Variants in PBX1 observed in about 807,000 individuals in gnomAD.
PBX1 encodes pre-B-cell leukemia transcription factor 1.
In PBX1, 6 loss-of-function variants were observed where a neutral mutation model predicts 53.4. The ratio of observed to expected loss-of-function variants is 0.11; its 90% confidence interval spans 0.06 to 0.22. PBX1 has a LOEUF of 0.22. Among genes scored for constraint, PBX1 ranks in the 10% least tolerant of loss-of-function variants. PBX1 has a pLI of 1.00. For synonymous variants in PBX1, 204 were observed against 212.3 expected (o/e 0.96, Z 0.34); for missense variants, 251 against 551.4 (o/e 0.46, Z 5.46).
intron 2 of PBX1, among the ~76,000 whole-genome samples, chr1:164,750,156 G>A (rs1171880512): frequency 6.6e-6 from 1 of 150,624 alleles, no homozygotes; most frequent in Non-Finnish European, 1.5e-5. Flanking sequence ...GTGTGTGTGT[G>A]TGTGTGTGTG....
rs1195108613 is a variant in PBX1, at chr1:164,666,550, C to T, written c.265+103239C>T. Among the ~76,000 whole-genome samples, 8 of 151,752 alleles carry T rather than the reference C, an allele frequency of 5.3e-5. No homozygotes were observed. In the East Asian group the frequency reaches 7.8e-4, roughly 15 times the overall value. ...GATTCTGGCTGATGGAGCAAATATT[C>T]TGCTGCTTGATAAACTCATAGAACT... On this transcript the variant is annotated intron_variant, in intron 2 of 8. Transcript: ENST00000420696.
intron 2 of PBX1, among the ~76,000 whole-genome samples, chr1:164,571,064 C>T (rs2101710767): frequency 6.6e-6 from 1 of 152,268 alleles, no homozygotes; most frequent in African/African-American, 2.4e-5. Flanking sequence ...GACAACCTGA[C>T]CTTTTCTTGC....
chr1:164,665,617 A>T (rs1310659890), intron 2 of PBX1, among the ~76,000 whole-genome samples: 3 of 152,142 alleles, frequency 2.0e-5, no homozygotes, highest in African/African-American at 7.2e-5. Context: ...ACAAAGGGAC[A>T]CTGGTTAGTT....
At chr1:164,727,757 G>C (rs1664775251) in intron 2 of PBX1, among the ~76,000 whole-genome samples, 2 of 152,168 alleles carry the variant, frequency 1.3e-5, no homozygotes, top group African/African-American at 4.8e-5. Flanking sequence ...GGTATATAAG[G>C]CTTCTTTTTG....
At position 164,772,392 on chromosome 1, in the gene PBX1, GC is replaced by G. The variant is rs563112720; in HGVS notation, c.266-20100del. 2.2e-3 allele frequency among the ~76,000 whole-genome samples: 332 copies of G among 152,298 alleles called. 1 individual carries two copies. Among genetic ancestry groups the G allele is most frequent in the Non-Finnish European group, 3.8e-3 (259 of 68,018 alleles). On this transcript the variant is annotated intron_variant, in intron 2 of 8. Transcript: ENST00000420696. ...TCTAAAAGTGTGCTTGTTTGATGGGGCCATATCAGATATCACATAGGAAAAT... is the reference window on the plus strand; with the variant it reads ...TCTAAAAGTGTGCTTGTTTGATGGGGCATATCAGATATCACATAGGAAAAT...
intron 2 of PBX1, among the ~76,000 whole-genome samples, chr1:164,571,878 T>C (rs1207241320): frequency 1.6e-5 from 1 of 61,112 alleles, no homozygotes; most frequent in African/African-American, 9.1e-5. Flanking sequence ...ACATTGTATA[T>C]ATATATATAT....
chr1:164,871,396 C>T (rs1400419795), intron 2 of PBX1, among the ~76,000 whole-genome samples: 1 of 152,206 alleles, frequency 6.6e-6, no homozygotes, highest in East Asian at 1.9e-4. Context: ...CCCAATAAAG[C>T]AGGCATTACA....
At chr1:164,640,819 A>G (rs1416901819) in intron 2 of PBX1, among the ~76,000 whole-genome samples, 2 of 151,888 alleles carry the variant, frequency 1.3e-5, no homozygotes, top group South Asian at 4.2e-4. Context: ...TGGCCTCCCA[A>G]AGTGCTAGGA....
intron 2 of PBX1, among the ~76,000 whole-genome samples, chr1:164,749,005 G>T (rs943598285): frequency 6.6e-6 from 1 of 152,090 alleles, no homozygotes; most frequent in Admixed American, 6.6e-5. Flanking sequence ...CTCACTCCTG[G>T]TTGGGAAATT....
chr1:164,788,997 G>T (rs933628088), intron 2 of PBX1, among the ~76,000 whole-genome samples: 1 of 152,068 alleles, frequency 6.6e-6, no homozygotes, highest in South Asian at 2.1e-4. Context: ...AAAGCTAAGC[G>T]AAATACTAAC....
intron 2 of PBX1, among the ~76,000 whole-genome samples, chr1:164,597,727 C>T (rs1431983720): frequency 3.3e-5 from 5 of 151,990 alleles, no homozygotes; most frequent in African/African-American, 4.8e-5. Context: ...TTTGGGGTCT[C>T]GCAGCCATGT....
chr1:164,677,789 G>A (rs527571671), intron 2 of PBX1, among the ~76,000 whole-genome samples: 1 of 152,210 alleles, frequency 6.6e-6, no homozygotes, highest in African/African-American at 2.4e-5. Flanking sequence ...AAGTACTTTG[G>A]CAAGGGAAGA....
chr1:164,826,044 T>G (rs1033196999), intron 8 of PBX1, among the ~76,000 whole-genome samples: 5 of 152,196 alleles, frequency 3.3e-5, no homozygotes, highest in Admixed American at 6.5e-5. Flanking sequence ...TTCTTGTGAC[T>G]TTTCTTTTAA....
chr1:164,773,919 G>A (rs771390152), intron 2 of PBX1, among the ~76,000 whole-genome samples: 2 of 152,186 alleles, frequency 1.3e-5, no homozygotes, highest in Non-Finnish European at 2.9e-5. Context: ...AAGAAAGCCA[G>A]GAAGCTATTT....
intron 2 of PBX1, among the ~76,000 whole-genome samples, chr1:164,696,458 T>C (rs964841402): frequency 1.9e-4 from 29 of 152,194 alleles, no homozygotes; most frequent in African/African-American, 7.0e-4. Context: ...AGATGCTGGC[T>C]TTGTCATGTA....
chr1:164,600,213 A>C (rs986851039), intron 2 of PBX1, among the ~76,000 whole-genome samples: 1 of 150,524 alleles, frequency 6.6e-6, no homozygotes. Context: ...GACTAAAATA[A>C]TGAAAATATT....
intron 2 of PBX1, among the ~76,000 whole-genome samples, chr1:164,711,545 G>C (rs1571266743): frequency 6.6e-6 from 1 of 152,250 alleles, no homozygotes; most frequent in East Asian, 1.9e-4. Flanking sequence ...TTACAGGCGT[G>C]AGCCACTGCG....
intron 2 of PBX1, among the ~76,000 whole-genome samples, chr1:164,762,301 G>A (rs1666853017): frequency 6.6e-6 from 1 of 152,148 alleles, no homozygotes; most frequent in Non-Finnish European, 1.5e-5. Context: ...GTCAATACAG[G>A]TTGGCAGAAG....
chr1:164,707,949 T>C (rs896689990), intron 2 of PBX1, among the ~76,000 whole-genome samples: 1 of 152,240 alleles, frequency 6.6e-6, no homozygotes. Context: ...TGAGGCACCC[T>C]GAGGCATGCA....
Sources: gnomAD v4.1 joint callset for allele counts (sites outside exome capture counted in the v4.1 genomes callset) on GRCh38, gnomAD v4.1.1 for gene constraint, MANE v1.5 for transcripts, NCBI Gene and HGNC (gene_info 2026-07-23, HGNC 2026-07-21) for gene names.